Variants in GOLGA8A observed in about 807,000 individuals in gnomAD.
The protein encoded by GOLGA8A is golgin subfamily A member 8A.
A neutral mutation model predicts 22.1 loss-of-function variants in GOLGA8A; 3 were observed. The observed-to-expected ratio is 0.14, with a 90% CI of 0.06 to 0.35. The LOEUF is 0.35. Among genes scored for constraint, GOLGA8A ranks in the 10% least tolerant of loss-of-function variants. The probability of loss-of-function intolerance (pLI) is 1.00; values close to 1 mark genes in which losing one functional copy is unlikely to be tolerated. For missense variants in GOLGA8A, 16 were observed against 233.2 expected (o/e 0.07, Z 6.07); for synonymous variants, 7 against 91.7 (o/e 0.08, Z 5.28).
At chr15:34,429,808 C>A (rs1324303835) in intron 2 of GOLGA8A, among the ~76,000 whole-genome samples, 1 of 147,602 alleles carries the variant, frequency 6.8e-6, no homozygotes, top group Admixed American at 6.9e-5. Context: ...TGTACCACTG[C>A]AGAGTCCTTG....
chr15:34,429,723 A>G (rs1893143390), intron 2 of GOLGA8A, among the ~76,000 whole-genome samples: 1 of 146,370 alleles, frequency 6.8e-6, no homozygotes, highest in Non-Finnish European at 1.5e-5. Context: ...TACTGAGTAC[A>G]CGGCTGGATA....
At position 34,426,394 on chromosome 15, in the gene GOLGA8A, G is replaced by A. The variant is rs183840350; in HGVS notation, c.-1123+8989C>T. On this transcript the variant is annotated intron_variant, in intron 2 of 24. Coordinates refer to ENST00000359187, the MANE Select transcript of GOLGA8A (RefSeq NM_181077.5). ...TGTATTTAAAAGACAAGTAAAATACGTCCACAGACAGAAAAAGAAAACGGG... is the reference window on the plus strand; with the variant it reads ...TGTATTTAAAAGACAAGTAAAATACATCCACAGACAGAAAAAGAAAACGGG... 3.3e-4 allele frequency among the ~76,000 whole-genome samples: 48 copies of A among 145,566 alleles called. 3 individuals carry two copies. The highest frequency in any genetic ancestry group is 1.1e-3 in the African/African-American group (46 of 40,050).
At chr15:34,421,449 C>G (rs1892794120) in intron 2 of GOLGA8A, among the ~76,000 whole-genome samples, 1 of 139,920 alleles carries the variant, frequency 7.1e-6, no homozygotes, top group South Asian at 2.7e-4. Context: ...AATCAAAGAG[C>G]CATTCCTCAG....
At position 34,434,201 on chromosome 15, in the gene GOLGA8A, G is replaced by A. The variant is rs1381142985; in HGVS notation, c.-1123+1182C>T. Among the ~76,000 whole-genome samples, 3 of 149,488 alleles carry A rather than the reference G, an allele frequency of 2.0e-5. 1 individual carries two copies. Among genetic ancestry groups the A allele is most frequent in the Middle Eastern group, 6.8e-3 (2 of 294 alleles). ...AGGGGCCATTCTTGGGAGCGAGCGGGGGAACTTGAGAAAAATCAGGCCGAG... is the reference window on the plus strand; with the variant it reads ...AGGGGCCATTCTTGGGAGCGAGCGGAGGAACTTGAGAAAAATCAGGCCGAG... On this transcript the variant is annotated intron_variant, in intron 2 of 24. Transcript: ENST00000359187.
chr15:34,412,171 A>T (rs1892456045), intron 2 of GOLGA8A, among the ~76,000 whole-genome samples: 2 of 77,894 alleles, frequency 2.6e-5, no homozygotes, highest in Non-Finnish European at 2.5e-5. Flanking sequence ...GATTACAGGC[A>T]CCCGCAATCA....
intron 2 of GOLGA8A, among the ~76,000 whole-genome samples, chr15:34,425,298 A>G (rs549551738): frequency 1.4e-5 from 2 of 148,058 alleles, no homozygotes; most frequent in East Asian, 4.0e-4. Context: ...CAGGAGAAAC[A>G]CTCAGAACAC....
intron 2 of GOLGA8A, chr15:34,417,713 T>G (rs1199715235): frequency 2.0e-5 from 3 of 147,268 alleles, no homozygotes; most frequent in Admixed American, 7.0e-5. Context: ...TTCTAGGCTC[T>G]TATTTCATTT....
intron 1 of GOLGA8A, 137 bp downstream of exon 1, chr15:34,437,261 G>C (rs149270469): frequency 0.095 from 13,870 of 145,680 alleles, 1,715 homozygotes; most frequent in South Asian, 0.25. Flanking sequence ...GCCCCGCCGA[G>C]TCCGGGGGGC....
At chr15:34,423,864 C>G (rs549831664) in intron 2 of GOLGA8A, among the ~76,000 whole-genome samples, 1 of 149,472 alleles carries the variant, frequency 6.7e-6, no homozygotes, top group African/African-American at 2.5e-5. Flanking sequence ...CTCCCTACCC[C>G]CTCATCTGCC....
chr15:34,431,764 T>C (rs1893263056), intron 2 of GOLGA8A, among the ~76,000 whole-genome samples: 1 of 148,642 alleles, frequency 6.7e-6, no homozygotes, highest in Non-Finnish European at 1.5e-5. Context: ...CTAGGCTACA[T>C]TTTAAAAAAA....
intron 1 of GOLGA8A, 76 bp from the exon 2 acceptor site, chr15:34,435,547 A>G (rs1480579452): frequency 6.7e-6 from 1 of 148,998 alleles, no homozygotes; most frequent in African/African-American, 2.5e-5. Flanking sequence ...GCAAGCCACA[A>G]CTTGGGTCTG....
At position 34,380,763 on chromosome 15, in the gene GOLGA8A, C is replaced by T. The variant is rs1891445116; in HGVS notation, c.*648G>A. ...TGCACATACCTGCCAGAGCAGGCCA[C>T]TTTCCTCTTCTGTGAGATTTAGAAA... On this transcript the variant is annotated 3_prime_UTR_variant, in exon 25 of 25. Transcript: ENST00000359187. The T allele has an allele frequency of 5.5e-6, 1 of 180,428 alleles. No individual in the cohort carries two copies. The highest frequency in any genetic ancestry group is 5.4e-5 in the Admixed American group (1 of 18,674). The allele number at this position is 180,428 out of a possible 1,614,324, so 11.2% of individuals were successfully genotyped here.
rs1398017480 is a variant in GOLGA8A at position 34,397,408 on chromosome 15, C to T, written c.-382+1226G>A. Among the ~76,000 whole-genome samples the T allele has an allele frequency of 2.0e-5, 3 of 147,626 alleles. No individual in the cohort carries two copies. In the Admixed American group the frequency reaches 2.0e-4, roughly 10 times the overall value. ...GAGTCCATCTTTTTCTTATATAATA[C>T]ATTTATTTCACATGTAACTATTTTC... is the stretch of plus-strand genomic sequence containing the variant. On this transcript the variant is annotated intron_variant, in intron 8 of 24. Transcript: ENST00000359187.
chr15:34,411,780 AAGG>A lies in GOLGA8A; in HGVS notation c.-1122-4048_-1122-4046del, dbSNP rs1294557926. On this transcript the variant is annotated intron_variant, in intron 2 of 24. Transcript: ENST00000359187. ...TACGCACAACTCAGACATGTGCAGA[AAGG>A]AGATGTGGAATGAAATGGAGCCCCC... 3.3e-5 allele frequency among the ~76,000 whole-genome samples: 4 copies of A among 119,624 alleles called. 1 individual carries two copies. The highest frequency in any genetic ancestry group is 1.4e-4 in the African/African-American group (4 of 28,186). 78.5% of individuals were successfully genotyped at this position (119,624 alleles called of 152,430 possible).
chr15:34,381,109 G>A lies in GOLGA8A; in HGVS notation c.*302C>T, dbSNP rs1325478316. The A allele has an allele frequency of 4.2e-6, 2 of 470,826 alleles. No individual in the cohort carries two copies. The highest frequency in any genetic ancestry group is 4.1e-5 in the East Asian group (1 of 24,366). The allele number at this position is 470,826 out of a possible 1,614,324, so 29.2% of individuals were successfully genotyped here. On this transcript the variant is annotated 3_prime_UTR_variant, in exon 25 of 25. Coordinates refer to ENST00000359187, the MANE Select transcript of GOLGA8A (RefSeq NM_181077.5). ...GAGAACAGTTTTGTGCAAAGAGTGG[G>A]TCTTTGTGTGTTTGAACTCCCACCA...
At chr15:34,435,134 C>G (rs1893443204) in intron 2 of GOLGA8A, among the ~76,000 whole-genome samples, 1 of 149,346 alleles carries the variant, frequency 6.7e-6, no homozygotes, top group Non-Finnish European at 1.5e-5. Flanking sequence ...TGGCAGAGGA[C>G]ACGGAGGAGT....
At chr15:34,436,977 G>T (rs2554779) in intron 1 of GOLGA8A, among the ~76,000 whole-genome samples, 2 of 148,686 alleles carry the variant, frequency 1.3e-5, no homozygotes, top group African/African-American at 4.9e-5. Context: ...GTTGCCGCCC[G>T]GCACGGGGAC....
rs78731837 is a variant in GOLGA8A, at chr15:34,380,857, T to G, written c.*554A>C. ...ATGGAGGAAAGGCTGTTTCCAGTTC[T>G]CGGCCTTTAAACAGCTCTAAATGTC... is the stretch of plus-strand genomic sequence containing the variant. On this transcript the variant is annotated 3_prime_UTR_variant, in exon 25 of 25. Coordinates refer to ENST00000359187, the MANE Select transcript of GOLGA8A (RefSeq NM_181077.5). 1.0e-5 allele frequency: 2 copies of G among 192,162 alleles called. No homozygotes were observed. Among genetic ancestry groups the G allele is most frequent in the Admixed American group, 5.3e-5 (1 of 18,782 alleles). 11.9% of individuals were successfully genotyped at this position (192,162 alleles called of 1,614,324 possible).
At chr15:34,420,284 T>A (rs1892745611) in intron 2 of GOLGA8A, 1 of 144,160 alleles carries the variant, frequency 6.9e-6, no homozygotes, top group Non-Finnish European at 1.5e-5. Flanking sequence ...AAATCAACAA[T>A]CTCAGTGGAG....
Sources: gnomAD v4.1 joint callset for allele counts (sites outside exome capture counted in the v4.1 genomes callset) on GRCh38, gnomAD v4.1.1 for gene constraint, MANE v1.5 for transcripts, NCBI Gene and HGNC (gene_info 2026-07-23, HGNC 2026-07-21) for gene names.